Variants in TUBB1 observed in about 807,000 individuals in gnomAD.
The protein encoded by TUBB1 is tubulin beta-1 chain.
Under a neutral mutation model 22.6 loss-of-function variants are expected in TUBB1, and 28 were observed. The observed-to-expected ratio is 1.24, with a 90% CI of 0.92 to 1.70. The LOEUF is 1.70. Among genes scored for constraint, TUBB1 ranks in the 40% most tolerant of loss-of-function variants. TUBB1 has a pLI of 0.00. For missense variants in TUBB1, 577 were observed against 605.5 expected, an observed-to-expected ratio of 0.95 and a Z score of 0.49; for synonymous variants, 226 against 238.0, an observed-to-expected ratio of 0.95 and a Z score of 0.46.
chr20:59,021,163 C>T (rs1346407145), intron 1 of TUBB1, among the ~76,000 whole-genome samples: 1 of 152,166 alleles, frequency 6.6e-6, no homozygotes, highest in Non-Finnish European at 1.5e-5. Context: ...AAGTGGGAGG[C>T]AGGAGCCCTG....
Position 59,024,363 on chromosome 20 carries a change from A to G in TUBB1, c.936A>G (p.Thr312=), listed in dbSNP as rs992461260. 6 of 1,614,152 alleles carry G rather than the reference A, an allele frequency of 3.7e-6. No homozygotes were observed. Among genetic ancestry groups the G allele is most frequent in the Middle Eastern group, 1.6e-4 (1 of 6,062 alleles). Reference sequence around the variant, plus strand: ...ACCTCCGCCGTGGCCGCTACCTCACAGTGGCCTGCATTTTCCGGGGCAAGA... The same window carrying G: ...ACCTCCGCCGTGGCCGCTACCTCACGGTGGCCTGCATTTTCCGGGGCAAGA... ...ACDLRRGRYL[T]VACIFRGKMS... The change falls in exon 4 of 4, where the codon ACA becomes ACG. Residue 312 remains threonine, a synonymous_variant. Transcript: ENST00000217133. This position sits in a 1 kb window ranked among gnomAD's most constrained non-coding sequence, Gnocchi z 4.9.
At chr20:59,019,930 G>C (rs1187026721) in intron 1 of TUBB1, among the ~76,000 whole-genome samples, 3 of 152,074 alleles carry the variant, frequency 2.0e-5, no homozygotes, top group East Asian at 1.9e-4. Flanking sequence ...GGCTGGAGTA[G>C]AGTGGCAGAA....
chr20:59,016,912 T>C (rs1365272039), upstream of TUBB1, among the ~76,000 whole-genome samples: 1 of 152,202 alleles, frequency 6.6e-6, no homozygotes, highest in Admixed American at 6.5e-5. Flanking sequence ...CTGTGAGTCA[T>C]GTGACATTCA....
chr20:59,024,467 A>T lies in TUBB1; in HGVS notation c.1040A>T (p.Asn347Ile). 1 of 1,614,050 alleles carries T rather than the reference A, an allele frequency of 6.2e-7. No individual in the cohort carries two copies. The highest frequency in any genetic ancestry group is 8.5e-7 in the Non-Finnish European group (1 of 1,179,948). ...NSSCFVEWIP[N>I]NVKVAVCDIP... ...AGCTGCTTTGTGGAGTGGATTCCCA[A>T]CAACGTCAAGGTGGCTGTCTGCGAC... The change falls in exon 4 of 4, where the codon AAC becomes ATC. Residue 347 changes from asparagine to isoleucine, a missense_variant. Physicochemically the swap from Asn to Ile is moderately radical, Grantham distance 149. Transcript: ENST00000217133. This position sits in a 1 kb window ranked among gnomAD's most constrained non-coding sequence, Gnocchi z 4.9.
chr20:59,022,932 G>A lies in TUBB1; in HGVS notation c.145G>A (p.Val49Met), dbSNP rs368009095. 2.2e-5 allele frequency: 35 copies of A among 1,613,924 alleles called. 1 individual carries two copies. The East Asian group carries it at 2.2e-4, about 10-fold the overall frequency. Reference protein sequence around the residue: ...ASALQLERISVYYNEAYGRKY... With the variant: ...ASALQLERISMYYNEAYGRKY... ...GGCCTTGCAGCTGGAGAGAATCAGC[G>A]TGTACTACAACGAAGCCTACGGTAG... The change falls in exon 2 of 4, where the codon GTG becomes ATG. Residue 49 changes from valine to methionine, a missense_variant. By Grantham distance (21) the Val-to-Met change is conservative. Transcript: ENST00000217133.
chr20:59,016,951 A>G (rs1347120294), upstream of TUBB1, among the ~76,000 whole-genome samples: 1 of 152,332 alleles, frequency 6.6e-6, no homozygotes, highest in East Asian at 1.9e-4. Context: ...TTCCAAACTT[A>G]GAGAAATGTT....
intron 1 of TUBB1, 37 bp downstream of exon 1, chr20:59,019,616 C>T (rs1490334545): frequency 6.2e-7 from 1 of 1,610,270 alleles, no homozygotes; most frequent in Non-Finnish European, 8.5e-7. Context: ...AGCTTTACCA[C>T]AGTCCATAGA....
chr20:59,024,906 T>C lies in TUBB1; in HGVS notation c.*123T>C, dbSNP rs1312508117. On this transcript the variant is annotated 3_prime_UTR_variant, in exon 4 of 4. Coordinates refer to ENST00000217133, the MANE Select transcript of TUBB1 (RefSeq NM_030773.4). This position sits in a 1 kb window ranked among gnomAD's most constrained non-coding sequence, Gnocchi z 4.9. ...CACAGTGAATGATATGCACTCACCATTAGCTTCGACACAGGGACTGAGGGA... is the reference window on the plus strand; with the variant it reads ...CACAGTGAATGATATGCACTCACCACTAGCTTCGACACAGGGACTGAGGGA... 4 of 881,692 alleles carry C rather than the reference T, an allele frequency of 4.5e-6. No homozygotes were observed. Among genetic ancestry groups the C allele is most frequent in the Non-Finnish European group, 7.4e-6 (4 of 541,436 alleles). The allele number at this position is 881,692 out of a possible 1,614,324, so 54.6% of individuals were successfully genotyped here. A position where few individuals can be genotyped will look rare whatever the true frequency, so the allele number is the denominator to read the frequency against.
upstream of TUBB1, among the ~76,000 whole-genome samples, chr20:59,019,009 T>C (rs1267448797): frequency 2.0e-5 from 3 of 152,186 alleles, no homozygotes; most frequent in African/African-American, 7.2e-5. Flanking sequence ...GGCCCAGTTG[T>C]GGAGCCTCCT....
At chr20:59,018,732 C>T (rs1027439478), upstream of TUBB1, among the ~76,000 whole-genome samples, 2 of 152,142 alleles carry the variant, frequency 1.3e-5, no homozygotes, top group Non-Finnish European at 2.9e-5. Context: ...ATTGGGAGTC[C>T]GTTTTGCTCT....
chr20:59,021,801 C>A (rs1248950092), intron 1 of TUBB1, among the ~76,000 whole-genome samples: 1 of 152,202 alleles, frequency 6.6e-6, no homozygotes, highest in Non-Finnish European at 1.5e-5. Flanking sequence ...TTGAGACCAG[C>A]CTGGCTAACA....
intron 1 of TUBB1, among the ~76,000 whole-genome samples, chr20:59,022,384 TG>T (rs953535335): frequency 6.6e-6 from 1 of 151,722 alleles, no homozygotes; most frequent in Non-Finnish European, 1.5e-5. Context: ...ATGGGCTGTT[TG>T]GAAAAGTTCA....
In TUBB1 at chr20:59,026,326, T is replaced by C. The variant is rs945212847; in HGVS notation, c.*1543T>C. On this transcript the variant is annotated 3_prime_UTR_variant, in exon 4 of 4. Coordinates refer to ENST00000217133, the MANE Select transcript of TUBB1 (RefSeq NM_030773.4). The stretch of plus-strand genomic sequence containing the variant: ...TCATGTTTTAAATGCTTTCTACTTG[T>C]GGTTCAAGAAGCACTAGATTTAGTA... 6.6e-6 allele frequency: 1 copy of C among 152,236 alleles called. No individual in the cohort carries two copies. Among genetic ancestry groups the C allele is most frequent in the Non-Finnish European group, 1.5e-5 (1 of 68,038 alleles). The allele number at this position is 152,236 out of a possible 1,614,324, so 9.4% of individuals were successfully genotyped here. A position where few individuals can be genotyped will look rare whatever the true frequency, so the allele number is the denominator to read the frequency against.
In TUBB1 at chr20:59,024,207, C is replaced by T; in HGVS notation, c.780C>T (p.Phe260=). The part of the protein sequence containing the change: ...LRKLAVNMVP[F]PRLHFFMPGF... ...AGCTGGCGGTGAACATGGTCCCCTT[C>T]CCCCGCCTGCACTTCTTTATGCCCG... Residue 260 remains phenylalanine, a synonymous_variant, in exon 4 of 4, where the codon TTC becomes TTT. Transcript: ENST00000217133. The surrounding 1 kb of genome is among the most constrained non-coding windows in gnomAD (Gnocchi z 4.9). 3 of 1,614,162 alleles carry T rather than the reference C, an allele frequency of 1.9e-6. No individual in the cohort carries two copies. The highest frequency in any genetic ancestry group is 2.5e-6 in the Non-Finnish European group (3 of 1,180,036).
chr20:59,019,041 T>C (rs900324053), upstream of TUBB1, among the ~76,000 whole-genome samples: 6 of 152,224 alleles, frequency 3.9e-5, 1 homozygote, highest in South Asian at 4.1e-4. Flanking sequence ...GCACGGGGCT[T>C]CTGGGGACCA....
Position 59,024,651 on chromosome 20 carries a change from TG to T in TUBB1, c.1228del (p.Glu410LysfsTer23). Reference sequence around the variant, plus strand: ...GCGAAGGGATGGACATAAACGAATTTGGGGAAGCTGAAAATAACATCCATGA... The same window carrying T: ...GCGAAGGGATGGACATAAACGAATTTGGGAAGCTGAAAATAACATCCATGA... ...TSEGMDINEF[G>X]EAENNIHDLV... On this transcript the variant is annotated frameshift_variant, in exon 4 of 4. Coordinates refer to ENST00000217133, the MANE Select transcript of TUBB1 (RefSeq NM_030773.4). LOFTEE classifies it low-confidence loss of function (END_TRUNC). The surrounding 1 kb of genome is among the most constrained non-coding windows in gnomAD (Gnocchi z 4.9). 1 of 1,614,062 alleles carries T rather than the reference TG, an allele frequency of 6.2e-7. No homozygotes were observed. Among genetic ancestry groups the T allele is most frequent in the Non-Finnish European group, 8.5e-7 (1 of 1,180,020 alleles).
chr20:59,019,410 T>C (rs566163330), upstream of TUBB1: 24 of 1,311,888 alleles, frequency 1.8e-5, no homozygotes, highest in Admixed American at 1.9e-4. Flanking sequence ...GGTTGGCCAG[T>C]CCCACCACTG....
chr20:59,022,898 C>T lies in TUBB1; in HGVS notation c.111C>T (p.Arg37=), dbSNP rs150453159. The T allele has an allele frequency of 1.1e-3, 1,718 of 1,614,048 alleles. No homozygotes were observed. Among genetic ancestry groups the T allele is most frequent in the South Asian group, 1.4e-3 (127 of 91,070 alleles). ...GGATCGACTTGGCTGGGAGCGACCG[C>T]GGGGCCTCGGCCTTGCAGCTGGAGA... ...EHGIDLAGSD[R]GASALQLERI... Residue 37 remains arginine, a synonymous_variant, in exon 2 of 4, where the codon CGC becomes CGT. Coordinates refer to ENST00000217133, the MANE Select transcript of TUBB1 (RefSeq NM_030773.4).
upstream of TUBB1, among the ~76,000 whole-genome samples, chr20:59,018,121 C>T (rs2091952234): frequency 1.3e-5 from 2 of 152,242 alleles, no homozygotes. Context: ...CCCTTCCGAG[C>T]CAGGGCTCTC....
Sources: gnomAD v4.1 joint callset for allele counts (sites outside exome capture counted in the v4.1 genomes callset) on GRCh38, gnomAD v4.1.1 for gene constraint, Gnocchi (gnomAD v3.1) non-coding constraint, MANE v1.5 for transcripts, NCBI Gene and HGNC (gene_info 2026-07-23, HGNC 2026-07-21) for gene names.